CCDC171: variants seen among roughly 807,000 people sequenced by gnomAD.
CCDC171 encodes coiled-coil domain containing 171.
In CCDC171, 177 loss-of-function variants were observed where a neutral mutation model predicts 168.2. The ratio of observed to expected loss-of-function variants is 1.05; its 90% confidence interval spans 0.93 to 1.19. The LOEUF (loss-of-function observed/expected upper bound fraction) is 1.19, where lower values mean the gene tolerates loss of function less well. CCDC171 is among the 50% of genes most tolerant of loss of function. The pLI, the probability that CCDC171 is intolerant of heterozygous loss-of-function variation, is 0.00. For synonymous variants in CCDC171, 687 were observed against 540.8 expected, an observed-to-expected ratio of 1.27 and a Z score of -3.75; for missense variants, 1,991 against 1,539.0, an observed-to-expected ratio of 1.29 and a Z score of -4.91.
rs1416616522 is a variant in CCDC171 at position 15,871,254 on chromosome 9, C to T, written c.3469-3278C>T. Among the ~76,000 whole-genome samples the T allele has an allele frequency of 2.6e-5, 4 of 151,202 alleles. No homozygotes were observed. The South Asian group carries it at 6.3e-4, about 24-fold the overall frequency. ...TATATGTTAAAAATGAGCTGTTAGGCGTTTTGAAGAAGAAAAACATTGTAT... is the reference window on the plus strand; with the variant it reads ...TATATGTTAAAAATGAGCTGTTAGGTGTTTTGAAGAAGAAAAACATTGTAT... On this transcript the variant is annotated intron_variant, in intron 23 of 25. Transcript: ENST00000380701.
intron 8 of CCDC171, among the ~76,000 whole-genome samples, chr9:15,662,553 C>T (rs767279401): frequency 4.6e-5 from 7 of 152,144 alleles, no homozygotes; most frequent in African/African-American, 1.2e-4. Context: ...CATATTATTT[C>T]GCAGTCTATG....
chr9:15,671,715 T>G (rs1221638069), intron 9 of CCDC171, among the ~76,000 whole-genome samples: 10 of 152,160 alleles, frequency 6.6e-5, no homozygotes, highest in Admixed American at 6.5e-4. Context: ...TGTATAGTAT[T>G]CCATAGTGTA....
intron 6 of CCDC171, among the ~76,000 whole-genome samples, chr9:15,623,024 T>C (rs1024926303): frequency 1.3e-5 from 2 of 152,248 alleles, no homozygotes; most frequent in South Asian, 4.1e-4. Flanking sequence ...TCTCATATGC[T>C]ATAACATTTT....
intron 18 of CCDC171, among the ~76,000 whole-genome samples, chr9:15,771,189 A>G (rs548694773): frequency 4.2e-4 from 64 of 152,250 alleles, no homozygotes; most frequent in Non-Finnish European, 8.5e-4. Context: ...ATATGCGTGT[A>G]TATAAAATCA....
At chr9:15,579,416 C>T (rs1242096394) in intron 4 of CCDC171, among the ~76,000 whole-genome samples, 2 of 151,708 alleles carry the variant, frequency 1.3e-5, no homozygotes, top group African/African-American at 4.8e-5. Context: ...TCAAGAAGCA[C>T]TGCCTCTTTC....
Position 15,779,032 on chromosome 9 carries a change from T to G in CCDC171, c.2963T>G (p.Val988Gly). The change falls in exon 20 of 26, where the codon GTG becomes GGG. Residue 988 changes from valine to glycine, a missense_variant. Coordinates refer to ENST00000380701, the MANE Select transcript of CCDC171 (RefSeq NM_173550.4). ...ACACAAAGACTGCATGCTGCAGAAGTGGAGCGCCGCTCACTACGCTTAGAG... is the reference window on the plus strand; with the variant it reads ...ACACAAAGACTGCATGCTGCAGAAGGGGAGCGCCGCTCACTACGCTTAGAG... ...GFTQRLHAAE[V>G]ERRSLRLEVT... 1.3e-6 allele frequency: 2 copies of G among 1,599,834 alleles called. No individual in the cohort carries two copies. Among genetic ancestry groups the G allele is most frequent in the South Asian group, 2.3e-5 (2 of 86,880 alleles).
At chr9:15,725,020 A>G (rs778530086) in intron 14 of CCDC171, 44 bp downstream of exon 14, 2 of 1,377,728 alleles carry the variant, frequency 1.5e-6, no homozygotes, top group South Asian at 2.3e-5. Context: ...GCCTTTCACT[A>G]ATCTCAGTGT....
chr9:15,680,953 A>G (rs1388509875), intron 10 of CCDC171, among the ~76,000 whole-genome samples: 2 of 152,154 alleles, frequency 1.3e-5, no homozygotes, highest in African/African-American at 2.4e-5. Context: ...GTTTTCTAGC[A>G]CTTTAGTGAG....
chr9:15,623,468 C>CGCGT, intron 7 of CCDC171, 55 bp downstream of exon 7: 1 of 739,974 alleles, frequency 1.4e-6, no homozygotes, highest in Non-Finnish European at 2.1e-6. Context: ...CACATATGCG[C>CGCGT]GCGCGCGCAC....
intron 9 of CCDC171, among the ~76,000 whole-genome samples, chr9:15,674,533 A>G (rs1019409818): frequency 2.0e-5 from 3 of 151,978 alleles, no homozygotes; most frequent in Admixed American, 6.6e-5. Flanking sequence ...TTCCTTAACT[A>G]TGTCCCAGAG....
At chr9:15,559,643 G>T (rs1009931138) in intron 1 of CCDC171, among the ~76,000 whole-genome samples, 1 of 152,050 alleles carries the variant, frequency 6.6e-6, no homozygotes, top group Admixed American at 6.5e-5. Context: ...CGTGAGATAG[G>T]TCTCCTCAGT....
intron 24 of CCDC171, among the ~76,000 whole-genome samples, chr9:15,897,611 T>C (rs553243082): frequency 5.9e-5 from 9 of 152,142 alleles, no homozygotes; most frequent in Non-Finnish European, 1.2e-4. Flanking sequence ...TTATTAATGA[T>C]TGTGAGATCT....
intron 11 of CCDC171, among the ~76,000 whole-genome samples, chr9:15,708,911 TATAC>T (rs2052446429): frequency 6.6e-6 from 1 of 152,210 alleles, no homozygotes; most frequent in South Asian, 2.1e-4. Context: ...TTGGAGAATT[TATAC>T]ATACAGTCTT....
At position 15,681,576 on chromosome 9, in the gene CCDC171, A is replaced by G. The variant is rs899812201; in HGVS notation, c.1215+2680A>G. The stretch of plus-strand genomic sequence containing the variant: ...AAAATGTCTTTAAATAGTAAGTACA[A>G]TGTTTTTCTTTTTATAAATTACTAT... On this transcript the variant is annotated intron_variant, in intron 10 of 25. Coordinates refer to ENST00000380701, the MANE Select transcript of CCDC171 (RefSeq NM_173550.4). Among the ~76,000 whole-genome samples, 3 of 151,990 alleles carry G rather than the reference A, an allele frequency of 2.0e-5. No individual in the cohort carries two copies. In the South Asian group the frequency reaches 6.2e-4, roughly 32 times the overall value.
At position 15,920,473 on chromosome 9, in the gene CCDC171, A is replaced by T. The variant is rs1195291669; in HGVS notation, c.3753+51A>T. The T allele has an allele frequency of 2.3e-6, 3 of 1,300,760 alleles. No individual in the cohort carries two copies. The Admixed American group carries it at 6.0e-5, about 26-fold the overall frequency. The allele number at this position is 1,300,760 out of a possible 1,614,324, so 80.6% of individuals were successfully genotyped here. ...TATAACTTTTTGAATCTTGGGTTAC[A>T]TTTACATTTATGTTTTTAATGTTCA... On this transcript the variant is annotated intron_variant, in intron 25 of 25. Transcript: ENST00000380701.
intron 3 of CCDC171, among the ~76,000 whole-genome samples, chr9:15,576,887 C>T (rs1347258907): frequency 6.6e-6 from 1 of 152,164 alleles, no homozygotes; most frequent in Non-Finnish European, 1.5e-5. Context: ...GTGGCTCTTG[C>T]AAATCCTCCT....
the CCDC171 span, among the ~76,000 whole-genome samples, chr9:16,089,504 GT>G: frequency 6.6e-6 from 1 of 151,296 alleles, no homozygotes; most frequent in East Asian, 2.0e-4. Flanking sequence ...AGTTTTTATG[GT>G]TTTAGGTCTT....
At chr9:15,607,441 T>G (rs1236258565) in intron 6 of CCDC171, among the ~76,000 whole-genome samples, 1 of 152,130 alleles carries the variant, frequency 6.6e-6, no homozygotes, top group East Asian at 1.9e-4. Context: ...ACAGGATGCT[T>G]CTTTGTCAAA....
chr9:15,623,494 C>A, intron 7 of CCDC171, 81 bp downstream of exon 7: 1 of 663,486 alleles, frequency 1.5e-6, no homozygotes, highest in South Asian at 3.3e-5. Flanking sequence ...CACACACACA[C>A]ACACACACAC....
Sources: allele counts gnomAD v4.1 joint callset (sites outside exome capture counted in the v4.1 genomes callset), GRCh38; gene constraint gnomAD v4.1.1; transcripts MANE v1.5; gene names NCBI Gene and HGNC (gene_info 2026-07-23, HGNC 2026-07-21).